Variants in SCAPER observed in about 807,000 individuals in gnomAD.
The protein encoded by SCAPER is S-phase cyclin A associated protein in the ER.
A neutral mutation model predicts 182.2 loss-of-function variants in SCAPER; 98 were observed. The observed-to-expected ratio is 0.54, with a 90% CI of 0.46 to 0.64. The LOEUF is 0.64. Ranked by LOEUF, SCAPER falls within the 30% of genes least tolerant of loss-of-function variation. SCAPER has a pLI of 0.00. For synonymous variants in SCAPER, 605 were observed against 564.6 expected (o/e 1.07, Z -1.01); for missense variants, 1,432 against 1,690.0 (o/e 0.85, Z 2.68).
intron 27 of SCAPER, among the ~76,000 whole-genome samples, chr15:76,398,755 C>T (rs1434603949): frequency 2.0e-5 from 3 of 152,152 alleles, no homozygotes; most frequent in Non-Finnish European, 2.9e-5. Flanking sequence ...TACAAATATT[C>T]TTGAATTCAC....
At chr15:76,519,847 G>T (rs1209523854) in intron 23 of SCAPER, among the ~76,000 whole-genome samples, 1 of 152,164 alleles carries the variant, frequency 6.6e-6, no homozygotes, top group Middle Eastern at 3.2e-3. Context: ...TGAAACAAAT[G>T]TTAGTTCCTA....
At chr15:76,874,334 T>C (rs12913810) in intron 2 of SCAPER, among the ~76,000 whole-genome samples, 58,066 of 152,024 alleles carry the variant, frequency 0.38, 13,101 homozygotes, top group Middle Eastern at 0.53. Flanking sequence ...CTTTAAAGGA[T>C]ATGTAAGAAA....
At chr15:76,433,806 G>A (rs1194845065) in intron 26 of SCAPER, among the ~76,000 whole-genome samples, 1 of 152,130 alleles carries the variant, frequency 6.6e-6, no homozygotes, top group Non-Finnish European at 1.5e-5. Flanking sequence ...TTAGGAAAAA[G>A]AACTTATTTT....
rs1487392002 is a variant in SCAPER at position 76,721,572 on chromosome 15, T to C, written c.2165+7023A>G. Among the ~76,000 whole-genome samples, 6 of 152,252 alleles carry C rather than the reference T, an allele frequency of 3.9e-5. No individual in the cohort carries two copies. The East Asian group carries it at 9.6e-4, about 24-fold the overall frequency. On this transcript the variant is annotated intron_variant, in intron 17 of 31. Transcript: ENST00000563290. ...CCTACCCATGAGCATGGAATGTTCT[T>C]CCATTTGTTTGTGTCCTCTTTTATT...
intron 20 of SCAPER, among the ~76,000 whole-genome samples, chr15:76,681,105 G>A (rs973562585): frequency 1.3e-5 from 2 of 152,134 alleles, no homozygotes; most frequent in African/African-American, 4.8e-5. Flanking sequence ...ATGGTGTTAT[G>A]TATATGCCAA....
At chr15:76,382,744 C>G (rs1567032089) in intron 27 of SCAPER, among the ~76,000 whole-genome samples, 1 of 152,114 alleles carries the variant, frequency 6.6e-6, no homozygotes. Flanking sequence ...TCAGGGATGC[C>G]ACACGTCACA....
chr15:76,428,052 A>G (rs570793514), intron 26 of SCAPER, among the ~76,000 whole-genome samples: 1 of 152,260 alleles, frequency 6.6e-6, no homozygotes, highest in Non-Finnish European at 1.5e-5. Context: ...GTGAGCCATA[A>G]TCATGCCACT....
At chr15:76,720,767 G>C (rs540363707) in intron 17 of SCAPER, among the ~76,000 whole-genome samples, 1 of 152,266 alleles carries the variant, frequency 6.6e-6, no homozygotes, top group African/African-American at 2.4e-5. Context: ...CCCACTTTTT[G>C]ATGGGGTTGT....
intron 9 of SCAPER, among the ~76,000 whole-genome samples, chr15:76,773,924 G>C (rs1398339266): frequency 6.6e-6 from 1 of 151,726 alleles, no homozygotes; most frequent in Non-Finnish European, 1.5e-5. Flanking sequence ...CAACGGAACT[G>C]AACCTTTATA....
Position 76,775,118 on chromosome 15 carries a change from C to A in SCAPER, c.773-1G>T. 6.3e-7 allele frequency: 1 copy of A among 1,590,552 alleles called. No individual in the cohort carries two copies. The highest frequency in any genetic ancestry group is 8.6e-7 in the Non-Finnish European group (1 of 1,169,090). On this transcript the variant is annotated splice_acceptor_variant, in intron 8 of 31. Coordinates refer to ENST00000563290, the MANE Select transcript of SCAPER (RefSeq NM_020843.4). LOFTEE classifies it high-confidence loss of function. ...TCCCATCCTTCAGCATCTTTCCGTT[C>A]TATGCAATTAAAGTAAAAAACAAAT...
intron 1 of SCAPER, among the ~76,000 whole-genome samples, chr15:76,902,791 G>A (rs1475640997): frequency 6.6e-6 from 1 of 152,082 alleles, no homozygotes; most frequent in Admixed American, 6.6e-5. Flanking sequence ...GTGCAGTGGC[G>A]CACGCCTGTA....
At chr15:76,404,898 TTTGAATA>T in intron 26 of SCAPER, among the ~76,000 whole-genome samples, 1 of 152,168 alleles carries the variant, frequency 6.6e-6, no homozygotes, top group Non-Finnish European at 1.5e-5. Flanking sequence ...CTTTTGGTTA[TTTGAATA>T]TTATTTTTCA....
At chr15:76,417,931 T>C (rs1455972450) in intron 26 of SCAPER, among the ~76,000 whole-genome samples, 2 of 151,934 alleles carry the variant, frequency 1.3e-5, no homozygotes, top group Non-Finnish European at 2.9e-5. Context: ...GGCAGGAGAA[T>C]GGCTTGAACC....
intron 24 of SCAPER, among the ~76,000 whole-genome samples, chr15:76,477,419 C>T (rs1444345417): frequency 6.6e-6 from 1 of 152,166 alleles, no homozygotes; most frequent in Non-Finnish European, 1.5e-5. Context: ...GGTTGAGATG[C>T]TGTGCAGGTT....
At position 76,775,061 on chromosome 15, in the gene SCAPER, G is replaced by C. The variant is rs1484749107; in HGVS notation, c.829C>G (p.Arg277Gly). ...ACTTTTGGCATCACTGCTGTTGATC[G>C]AGAACGAATAGGCCTTCCTCTCTGA... ...TVQRGRPIRS[R>G]STAVMPKVSL... Residue 277 changes from arginine to glycine, a missense_variant, in exon 9 of 32, where the codon CGA (arginine) becomes GGA (glycine). Physicochemically the swap from Arg to Gly is moderately radical, Grantham distance 125 (BLOSUM62 -2). This residue lies in a region of SCAPER where 480 missense variants were observed against 510.2 expected (regional missense o/e 0.94). Transcript: ENST00000563290. 1 of 1,613,600 alleles carries C rather than the reference G, an allele frequency of 6.2e-7. No individual in the cohort carries two copies. The highest frequency in any genetic ancestry group is 1.1e-5 in the South Asian group (1 of 91,060).
intron 20 of SCAPER, among the ~76,000 whole-genome samples, chr15:76,671,381 G>C (rs1218422434): frequency 2.0e-5 from 3 of 152,166 alleles, no homozygotes; most frequent in East Asian, 3.9e-4. Flanking sequence ...TGAACTCTCT[G>C]AATCTCCATA....
intron 22 of SCAPER, among the ~76,000 whole-genome samples, chr15:76,575,164 T>C (rs2047726349): frequency 6.6e-6 from 1 of 152,160 alleles, no homozygotes; most frequent in African/African-American, 2.4e-5. Flanking sequence ...CTCAATGTCT[T>C]GCATGCATTA....
chr15:76,516,901 G>A (rs1288760035), intron 23 of SCAPER, among the ~76,000 whole-genome samples: 5 of 152,184 alleles, frequency 3.3e-5, no homozygotes, highest in Admixed American at 6.5e-5. Flanking sequence ...GGCTTATCAT[G>A]TAACAGGCCC....
intron 27 of SCAPER, among the ~76,000 whole-genome samples, chr15:76,393,852 A>C (rs1253174704): frequency 1.3e-5 from 2 of 152,110 alleles, no homozygotes; most frequent in Non-Finnish European, 2.9e-5. Flanking sequence ...CTATGCAGAG[A>C]CCCCACATGG....
Sources: gnomAD v4.1 joint callset for allele counts (sites outside exome capture counted in the v4.1 genomes callset) on GRCh38, gnomAD v4.1.1 for gene constraint, gnomAD v4.1.1 regional missense constraint, MANE v1.5 for transcripts, NCBI Gene and HGNC (gene_info 2026-07-23, HGNC 2026-07-21) for gene names.